SYTL2: variants seen among roughly 807,000 people sequenced by gnomAD.
The protein encoded by SYTL2 is synaptotagmin-like protein 2.
SYTL2 carries 165 observed loss-of-function variants against 198.7 expected under a neutral mutation model. That is an observed-to-expected ratio of 0.83 (90% CI 0.73 to 0.94). The LOEUF is 0.94. Among genes scored for constraint, SYTL2 ranks in the 40% least tolerant of loss-of-function variants. SYTL2 has a pLI of 0.00. For missense variants in SYTL2, 2,835 were observed against 2,582.8 expected, an observed-to-expected ratio of 1.10 and a Z score of -2.12; for synonymous variants, 966 against 917.7, an observed-to-expected ratio of 1.05 and a Z score of -0.95.
intron 16 of SYTL2, 159 bp from the exon 17 acceptor site, chr11:85,700,752 T>A (rs926399011): frequency 1.2e-5 from 7 of 564,334 alleles, no homozygotes; most frequent in East Asian, 5.6e-5. Context: ...AACTAGACTG[T>A]TGCCTTAATA....
At chr11:85,803,259 C>A (rs966833157) in intron 1 of SYTL2, among the ~76,000 whole-genome samples, 1 of 152,192 alleles carries the variant, frequency 6.6e-6, no homozygotes, top group Admixed American at 6.5e-5. Flanking sequence ...TATAAAAATT[C>A]TTTATCTTTA....
At chr11:85,711,449 A>G (rs2086263494) in intron 12 of SYTL2, among the ~76,000 whole-genome samples, 1 of 152,208 alleles carries the variant, frequency 6.6e-6, no homozygotes, top group Non-Finnish European at 1.5e-5. Context: ...TACCAAAATA[A>G]CGAAGTGATT....
At chr11:85,826,478 A>T in the SYTL2 span, among the ~76,000 whole-genome samples, 1 of 152,372 alleles carries the variant, frequency 6.6e-6, no homozygotes, top group East Asian at 1.9e-4. Context: ...GTTGAATTTC[A>T]GACCAGGAGC....
intron 2 of SYTL2, among the ~76,000 whole-genome samples, chr11:85,756,086 G>C (rs2091851161): frequency 6.6e-6 from 1 of 152,138 alleles, no homozygotes; most frequent in Admixed American, 6.5e-5. Context: ...GGTTGCAATA[G>C]TCCCTGCTTT....
chr11:85,696,404 T>A lies in SYTL2; in HGVS notation c.6369-16A>T. ...AAGGATGGTACTACAAAAAGAGGCATGATTGTGGGAGCATTTTAGTAAGAT... is the reference window on the plus strand; with the variant it reads ...AAGGATGGTACTACAAAAAGAGGCAAGATTGTGGGAGCATTTTAGTAAGAT... On this transcript the variant is annotated splice_polypyrimidine_tract_variant and intron_variant, in intron 18 of 19. Transcript: ENST00000359152. 6.2e-7 allele frequency: 1 copy of A among 1,601,654 alleles called. No individual in the cohort carries two copies. The highest frequency in any genetic ancestry group is 1.3e-5 in the African/African-American group (1 of 74,758).
Position 85,707,360 on chromosome 11 carries a change from A to T in SYTL2, c.6018+69T>A, listed in dbSNP as rs1591604293. 6.9e-6 allele frequency: 7 copies of T among 1,014,334 alleles called. No individual in the cohort carries two copies. In the East Asian group the frequency reaches 1.7e-4, roughly 24 times the overall value. The allele number at this position is 1,014,334 out of a possible 1,614,324, so 62.8% of individuals were successfully genotyped here. A position where few individuals can be genotyped will look rare whatever the true frequency, so the allele number is the denominator to read the frequency against. On this transcript the variant is annotated intron_variant, in intron 15 of 19. Transcript: ENST00000359152. ...GTGACTGACTTTATCCTGTAGAGCT[A>T]CTACCCAAAGAAGACATGGTAAACA...
At chr11:85,737,220 T>C (rs1001504265) in intron 5 of SYTL2, among the ~76,000 whole-genome samples, 1 of 152,200 alleles carries the variant, frequency 6.6e-6, no homozygotes, top group Non-Finnish European at 1.5e-5. Context: ...GAAGCAGATC[T>C]CTAACAGAGA....
chr11:85,780,723 T>G (rs1244124340), intron 1 of SYTL2, among the ~76,000 whole-genome samples: 1 of 152,246 alleles, frequency 6.6e-6, no homozygotes, highest in Non-Finnish European at 1.5e-5. Flanking sequence ...AGTAAAGTTT[T>G]TCTCTGAGTT....
At chr11:85,789,354 A>ATGTGTATATATATATATATATATG (rs1555260933) in intron 1 of SYTL2, among the ~76,000 whole-genome samples, 14 of 57,216 alleles carry the variant, frequency 2.4e-4, no homozygotes, top group African/African-American at 1.0e-3. Context: ...ATATATATAT[A>ATGTGTATATATATATATATATATG]TATATATATA....
chr11:85,720,951 C>T lies in SYTL2; in HGVS notation c.5335G>A (p.Glu1779Lys). The T allele has an allele frequency of 1.9e-6, 3 of 1,608,256 alleles. No homozygotes were observed. The highest frequency in any genetic ancestry group is 2.6e-6 in the Non-Finnish European group (3 of 1,175,408). Residue 1779 changes from glutamate (E) to lysine (K), a missense_variant, in exon 9 of 20, where the codon GAA becomes AAA. Glu to Lys is a moderately conservative substitution (Grantham distance 56). This residue lies in a region of SYTL2 where 2,645 missense variants were observed against 2,381.7 expected (regional missense o/e 1.11). Transcript: ENST00000359152. ...ESWRNPSSSEEEPSPVLKTLE... is the reference protein window; with the variant it reads ...ESWRNPSSSEKEPSPVLKTLE... Reference sequence around the variant, plus strand: ...GTTTTCAAAACAGGACTGGGTTCTTCTTCTGAACCTGTTATAAAACAAAAT... The same window carrying T: ...GTTTTCAAAACAGGACTGGGTTCTTTTTCTGAACCTGTTATAAAACAAAAT...
intron 8 of SYTL2, 78 bp from the exon 9 acceptor site, chr11:85,721,037 G>T: frequency 1.2e-6 from 1 of 829,158 alleles, no homozygotes; most frequent in Non-Finnish European, 2.0e-6. Context: ...ACATAGAAAT[G>T]GTAGGCTGAA....
intron 1 of SYTL2, among the ~76,000 whole-genome samples, chr11:85,775,265 TC>T (rs1566012195): frequency 6.6e-6 from 1 of 152,154 alleles, no homozygotes; most frequent in Non-Finnish European, 1.5e-5. Flanking sequence ...AATGACAGTA[TC>T]CTCTGTTTGG....
At chr11:85,818,744 G>A in the SYTL2 span, among the ~76,000 whole-genome samples, 1 of 151,718 alleles carries the variant, frequency 6.6e-6, no homozygotes, top group Non-Finnish European at 1.5e-5. Flanking sequence ...AGACTGCAGG[G>A]AAGTGGTGTG....
chr11:85,711,338 G>T, intron 12 of SYTL2, 106 bp from the exon 13 acceptor site: 3 of 1,248,578 alleles, frequency 2.4e-6, no homozygotes, highest in Non-Finnish European at 3.3e-6. Context: ...TGACATTTAC[G>T]CAAGGTCAAA....
chr11:85,836,052 C>T, the SYTL2 span, among the ~76,000 whole-genome samples: 5 of 152,114 alleles, frequency 3.3e-5, no homozygotes, highest in African/African-American at 9.7e-5. Flanking sequence ...CTGTCACCTG[C>T]GGAGGGTAGC....
intron 1 of SYTL2, among the ~76,000 whole-genome samples, chr11:85,804,835 A>T (rs2092936700): frequency 6.6e-6 from 1 of 152,214 alleles, no homozygotes; most frequent in South Asian, 2.1e-4. Flanking sequence ...TCATATTTGC[A>T]TTTGAATGCC....
At chr11:85,806,161 G>A (rs1043385364) in intron 1 of SYTL2, among the ~76,000 whole-genome samples, 6 of 152,218 alleles carry the variant, frequency 3.9e-5, no homozygotes, top group Non-Finnish European at 8.8e-5. Flanking sequence ...CAGGAACAGT[G>A]CCAGGCTATG....
At chr11:85,772,006 G>A in intron 1 of SYTL2, among the ~76,000 whole-genome samples, 1 of 152,120 alleles carries the variant, frequency 6.6e-6, no homozygotes, top group Non-Finnish European at 1.5e-5. Flanking sequence ...GGGCTTAAGC[G>A]ATCCTCCCAT....
At position 85,748,310 on chromosome 11, in the gene SYTL2, A is replaced by G; in HGVS notation, c.215T>C (p.Ile72Thr). 6.2e-7 allele frequency: 1 copy of G among 1,613,960 alleles called. No homozygotes were observed. The highest frequency in any genetic ancestry group is 1.3e-5 in the African/African-American group (1 of 75,028). The change falls in exon 3 of 20, where the codon ATC (isoleucine) becomes ACC (threonine). Residue 72 changes from isoleucine to threonine, a missense_variant. Ile to Thr is a moderately conservative substitution (Grantham distance 89). Coordinates refer to ENST00000359152, the MANE Select transcript of SYTL2 (RefSeq NM_206927.4). ...CCTCTTCTTTCTCATAGATGCTCTG[A>G]TGATATCTGCGCCATGGATTTTGTC... ...HRDKIHGADI[I>T]RASMRKKRPQ...
Sources: allele counts gnomAD v4.1 joint callset (sites outside exome capture counted in the v4.1 genomes callset), GRCh38; gene constraint gnomAD v4.1.1; regional missense constraint gnomAD v4.1.1; transcripts MANE v1.5; gene names NCBI Gene and HGNC (gene_info 2026-07-23, HGNC 2026-07-21).